The following GALNTL6 variants were observed in gnomAD, a reference collection of about 807,000 sequenced individuals.
GALNTL6 encodes polypeptide N-acetylgalactosaminyltransferase-like 6.
In GALNTL6, 46 loss-of-function variants were observed where a neutral mutation model predicts 73.7. The ratio of observed to expected loss-of-function variants is 0.62; its 90% CI spans 0.49 to 0.80. GALNTL6 has a LOEUF of 0.80. Ranked by LOEUF, GALNTL6 falls within the 30% of genes least tolerant of loss-of-function variation. The pLI, the probability that GALNTL6 is intolerant of heterozygous loss-of-function variation, is 0.00. For synonymous variants in GALNTL6, 259 were observed against 263.7 expected (o/e 0.98, Z 0.17); for missense variants, 604 against 755.0 (o/e 0.80, Z 2.34).
At chr4:172,598,761 A>G (rs1737951645) in intron 5 of GALNTL6, among the ~76,000 whole-genome samples, 2 of 152,168 alleles carry the variant, frequency 1.3e-5, no homozygotes, top group Admixed American at 1.3e-4. Flanking sequence ...CTTTGATTCC[A>G]TTATCCTTAT....
At chr4:172,323,287 TCAAAAG>T (rs1380799837) in intron 4 of GALNTL6, among the ~76,000 whole-genome samples, 2 of 152,078 alleles carry the variant, frequency 1.3e-5, no homozygotes, top group Non-Finnish European at 2.9e-5. Flanking sequence ...TTCAGACCTG[TCAAAAG>T]CAAAATAAAT....
chr4:172,985,975 G>A (rs1751271036), intron 10 of GALNTL6, among the ~76,000 whole-genome samples: 1 of 152,190 alleles, frequency 6.6e-6, no homozygotes, highest in Non-Finnish European at 1.5e-5. Flanking sequence ...TAATCAAGAG[G>A]AGAGGGGAGG....
intron 2 of GALNTL6, among the ~76,000 whole-genome samples, chr4:172,199,173 T>C (rs1463913148): frequency 6.6e-6 from 1 of 152,216 alleles, no homozygotes; most frequent in Non-Finnish European, 1.5e-5. Flanking sequence ...CAGTGTTTGT[T>C]GAGCAAATAA....
intron 3 of GALNTL6, among the ~76,000 whole-genome samples, chr4:172,280,461 T>G (rs1235221889): frequency 6.6e-6 from 1 of 152,112 alleles, no homozygotes; most frequent in African/African-American, 2.4e-5. Context: ...TTTTTTATTA[T>G]ACAGTTGGTA....
intron 5 of GALNTL6, among the ~76,000 whole-genome samples, chr4:172,671,082 G>A (rs1285638964): frequency 5.1e-5 from 6 of 116,938 alleles, no homozygotes; most frequent in African/African-American, 1.3e-4. Context: ...GTCAGGTAGC[G>A]TGATGCCTCC....
intron 5 of GALNTL6, chr4:172,380,260 A>G: frequency 1.2e-6 from 1 of 863,490 alleles, no homozygotes; most frequent in Non-Finnish European, 2.0e-6. Context: ...CATTAGGATG[A>G]CAAATTTTGG....
At chr4:172,473,479 C>T (rs920547440) in intron 5 of GALNTL6, among the ~76,000 whole-genome samples, 3 of 152,116 alleles carry the variant, frequency 2.0e-5, no homozygotes, top group Admixed American at 1.3e-4. Context: ...CTGAAACTTC[C>T]CTAGGGAGGA....
chr4:172,375,801 G>A (rs1453740405), intron 5 of GALNTL6, among the ~76,000 whole-genome samples: 1 of 152,126 alleles, frequency 6.6e-6, no homozygotes, highest in Non-Finnish European at 1.5e-5. Flanking sequence ...CGGGTTTAGT[G>A]GCCCTTACCA....
chr4:172,161,276 T>G (rs1313263570), intron 2 of GALNTL6, among the ~76,000 whole-genome samples: 1 of 152,078 alleles, frequency 6.6e-6, no homozygotes, highest in African/African-American at 2.4e-5. Context: ...TGCATGTATA[T>G]GAATACCTTT....
intron 2 of GALNTL6, among the ~76,000 whole-genome samples, chr4:171,964,867 T>C (rs1303008573): frequency 6.6e-6 from 1 of 152,234 alleles, no homozygotes; most frequent in East Asian, 1.9e-4. Flanking sequence ...CCCATACTGA[T>C]TGGCTGGCCA....
At chr4:171,847,817 A>G (rs1735414999) in intron 2 of GALNTL6, among the ~76,000 whole-genome samples, 1 of 152,122 alleles carries the variant, frequency 6.6e-6, no homozygotes. Context: ...TACTATTTCC[A>G]TGACAAATGT....
At chr4:172,907,455 C>T (rs993361759) in intron 8 of GALNTL6, among the ~76,000 whole-genome samples, 8 of 152,112 alleles carry the variant, frequency 5.3e-5, no homozygotes, top group Admixed American at 2.0e-4. Context: ...TATTGGGATA[C>T]GTATTAACAA....
intron 2 of GALNTL6, among the ~76,000 whole-genome samples, chr4:172,113,893 G>A (rs981508482): frequency 6.6e-5 from 10 of 151,834 alleles, no homozygotes; most frequent in Admixed American, 1.3e-4. Flanking sequence ...CTTTTTATTC[G>A]TTTACTTGTT....
intron 2 of GALNTL6, among the ~76,000 whole-genome samples, chr4:172,178,470 G>C (rs1171940202): frequency 2.6e-5 from 4 of 151,590 alleles, no homozygotes; most frequent in Non-Finnish European, 4.4e-5. Context: ...CTCCCTGTGT[G>C]CATGTGTTCT....
At chr4:172,952,546 C>T (rs1213719763) in intron 10 of GALNTL6, among the ~76,000 whole-genome samples, 2 of 149,912 alleles carry the variant, frequency 1.3e-5, no homozygotes, top group Non-Finnish European at 3.0e-5. Context: ...GATGGAGTCT[C>T]GCTCTGTCTT....
chr4:172,005,945 G>A (rs1740828424), intron 2 of GALNTL6, among the ~76,000 whole-genome samples: 2 of 152,116 alleles, frequency 1.3e-5, no homozygotes, highest in South Asian at 2.1e-4. Context: ...TTTGTCATAA[G>A]ATGCACATCT....
Position 172,248,709 on chromosome 4 carries a change from T to C in GALNTL6, c.247+18945T>C, listed in dbSNP as rs534873565. 8.1e-4 allele frequency among the ~76,000 whole-genome samples: 124 copies of C among 152,152 alleles called. 1 individual carries two copies. Among genetic ancestry groups the C allele is most frequent in the African/African-American group, 2.9e-3 (120 of 41,506 alleles). Reference sequence around the variant, plus strand: ...GAGGTAATTGAATCATGGGGGTGGTTCCCCCATGCTATTCTTGTGATAATG... The same window carrying C: ...GAGGTAATTGAATCATGGGGGTGGTCCCCCCATGCTATTCTTGTGATAATG... On this transcript the variant is annotated intron_variant, in intron 3 of 12. Transcript: ENST00000506823.
chr4:172,087,036 G>A (rs577775616), intron 2 of GALNTL6, among the ~76,000 whole-genome samples: 3 of 152,240 alleles, frequency 2.0e-5, no homozygotes, highest in South Asian at 4.1e-4. Flanking sequence ...TGTATTGTGG[G>A]AAATGACGAA....
At position 172,440,935 on chromosome 4, in the gene GALNTL6, T is replaced by C. The variant is rs569480245; in HGVS notation, c.553+92246T>C. 3.3e-5 allele frequency among the ~76,000 whole-genome samples: 5 copies of C among 152,254 alleles called. No individual in the cohort carries two copies. The South Asian group carries it at 8.3e-4, about 25-fold the overall frequency. On this transcript the variant is annotated intron_variant, in intron 5 of 12. Coordinates refer to ENST00000506823, the MANE Select transcript of GALNTL6 (RefSeq NM_001034845.3). ...GCTTATTATAATTCATTAAGTTTTA[T>C]CTTTTTGTGTATTTATTAATGTATT...
Sources: allele counts gnomAD v4.1 joint callset (sites outside exome capture counted in the v4.1 genomes callset), GRCh38; gene constraint gnomAD v4.1.1; transcripts MANE v1.5; gene names NCBI Gene and HGNC (gene_info 2026-07-23, HGNC 2026-07-21).